Variants in BRAT1 observed in about 807,000 individuals in gnomAD.
The protein encoded by BRAT1 is integrator complex assembly factor BRAT1.
BRAT1 carries 74 observed loss-of-function variants against 70.6 expected under a neutral mutation model. The ratio of observed to expected loss-of-function variants is 1.05; its 90% CI spans 0.87 to 1.27. BRAT1 has a LOEUF of 1.27. Ranked by LOEUF, BRAT1 falls within the 50% of genes most tolerant of loss-of-function variation. BRAT1 has a pLI of 0.00. For missense variants in BRAT1, 1,203 were observed against 1,098.2 expected (o/e 1.10, Z -1.35); for synonymous variants, 615 against 517.1 (o/e 1.19, Z -2.57).
chr7:2,555,439 C>G (rs1346866280), intron 1 of BRAT1, 48 bp downstream of exon 1: 1 of 152,236 alleles, frequency 6.6e-6, no homozygotes, highest in Non-Finnish European at 1.5e-5. Flanking sequence ...TTGGCCTCCC[C>G]GCGCCCCACT....
At position 2,538,540 on chromosome 7, in the gene BRAT1, A is replaced by G; in HGVS notation, c.1995T>C (p.Thr665=). ...LELALVFLGQ[T]LGPPRTHCPY... is the part of the protein sequence containing the mutation. ...GGCAGTGGGTACGCGGCGGCCCCAA[A>G]GTCTGGCCCAGGAACACGAGGGCCA... Residue 665 remains threonine, a synonymous_variant, in exon 14 of 14, where the codon ACT becomes ACC. Transcript: ENST00000340611. The G allele has an allele frequency of 6.2e-7, 1 of 1,603,522 alleles. No homozygotes were observed. Among genetic ancestry groups the G allele is most frequent in the East Asian group, 2.2e-5 (1 of 44,798 alleles).
intron 3 of BRAT1, among the ~76,000 whole-genome samples, chr7:2,546,320 G>A (rs1779605146): frequency 6.6e-6 from 1 of 152,030 alleles, no homozygotes; most frequent in Admixed American, 6.6e-5. Context: ...TGCACCTGTG[G>A]ACCCAGCTAC....
At chr7:2,539,040 C>T (rs1027904180) in intron 13 of BRAT1, 139 bp downstream of exon 13, 16 of 1,445,634 alleles carry the variant, frequency 1.1e-5, no homozygotes, top group African/African-American at 1.4e-5. Flanking sequence ...CCCAGGGCCT[C>T]GGCAGTCACT....
At chr7:2,546,179 C>T (rs1315630575) in intron 3 of BRAT1, among the ~76,000 whole-genome samples, 2 of 152,220 alleles carry the variant, frequency 1.3e-5, no homozygotes, top group African/African-American at 2.4e-5. Context: ...CAGTGGCTCA[C>T]GACTGTATCC....
In BRAT1 at chr7:2,538,183, C is replaced by T; in HGVS notation, c.2352G>A (p.Leu784=). 6.2e-7 allele frequency: 1 copy of T among 1,609,416 alleles called. No homozygotes were observed. The highest frequency in any genetic ancestry group is 8.5e-7 in the Non-Finnish European group (1 of 1,177,702). ...AMLRSLDLEG[L]RSTLAESSDH... ...CGCTGCTCTCGGCCAGCGTGCTCCG[C>T]AGGCCCTCCAGGTCTAGGGACCTGA... The change falls in exon 14 of 14, where the codon CTG becomes CTA. Residue 784 remains leucine, a synonymous_variant. Coordinates refer to ENST00000340611, the MANE Select transcript of BRAT1 (RefSeq NM_152743.4).
rs1233936868 is a variant in BRAT1, at chr7:2,548,823, G to C, written c.128-1345C>G. 2.0e-5 allele frequency among the ~76,000 whole-genome samples: 3 copies of C among 152,172 alleles called. No individual in the cohort carries two copies. The East Asian group carries it at 5.8e-4, about 29-fold the overall frequency. On this transcript the variant is annotated intron_variant, in intron 2 of 13. Coordinates refer to ENST00000340611, the MANE Select transcript of BRAT1 (RefSeq NM_152743.4). ...CTACTAAAATATAAAAAATTAGCCAGGCATGGTGGCGGGCGCCTGTGGTCC... is the reference window on the plus strand; with the variant it reads ...CTACTAAAATATAAAAAATTAGCCACGCATGGTGGCGGGCGCCTGTGGTCC...
intron 9 of BRAT1, 114 bp from the exon 10 acceptor site, chr7:2,541,166 G>GGCCCGGC: frequency 1.4e-6 from 2 of 1,405,642 alleles, no homozygotes; most frequent in Non-Finnish European, 1.9e-6. Flanking sequence ...CTCCTGCACG[G>GGCCCGGC]CCCCTGCACC....
chr7:2,552,081 A>AATACATAT (rs1198193898), intron 2 of BRAT1, among the ~76,000 whole-genome samples: 1 of 23,382 alleles, frequency 4.3e-5, no homozygotes, highest in African/African-American at 2.1e-4. Flanking sequence ...CATAGTCTTA[A>AATACATAT]ATATATATAT....
intron 11 of BRAT1, 67 bp downstream of exon 11, chr7:2,539,719 A>C (rs1583295519): frequency 1.3e-6 from 2 of 1,553,256 alleles, no homozygotes; most frequent in Non-Finnish European, 1.7e-6. Context: ...GAGCCATTCC[A>C]CCCAGCCCCT....
At chr7:2,551,173 G>T (rs544946114) in intron 2 of BRAT1, among the ~76,000 whole-genome samples, 1 of 151,532 alleles carries the variant, frequency 6.6e-6, no homozygotes, top group Non-Finnish European at 1.5e-5. Context: ...CCCAGGAGGC[G>T]GAGGTTGCAG....
chr7:2,553,047 A>G (rs1033283517), intron 2 of BRAT1, among the ~76,000 whole-genome samples: 2 of 150,786 alleles, frequency 1.3e-5, no homozygotes, highest in Non-Finnish European at 3.0e-5. Context: ...CTCGACTGAC[A>G]CTATTTTTTT....
rs148689602 is a variant in BRAT1 at position 2,554,715 on chromosome 7, A to C, written c.-16-268T>G. ...AAACCACAAGGCCTCCGGAACTCAA[A>C]GTCTGTCACCCTTGGTCTTTGGTGC... On this transcript the variant is annotated intron_variant, in intron 1 of 13. Transcript: ENST00000340611. 6.4e-3 allele frequency among the ~76,000 whole-genome samples: 980 copies of C among 152,316 alleles called. 12 individuals are homozygous for C. Among genetic ancestry groups the C allele is most frequent in the African/African-American group, 0.022 (935 of 41,576 alleles).
At chr7:2,542,399 A>G (rs1779245787) in intron 6 of BRAT1, 188 bp from the exon 7 acceptor site, 4 of 610,918 alleles carry the variant, frequency 6.5e-6, no homozygotes, top group Non-Finnish European at 1.2e-5. Flanking sequence ...GGCCTGACCA[A>G]GGAGATGGGC....
rs1281766598 is a variant in BRAT1, at chr7:2,542,102, C to G, written c.1015+18G>C. On this transcript the variant is annotated intron_variant, in intron 7 of 13. Coordinates refer to ENST00000340611, the MANE Select transcript of BRAT1 (RefSeq NM_152743.4). ...GGGACCCAGGTTCTGCCCTCCCAGC[C>G]CTTTCTAAGCAGCACACCTGGGGGT... 3 of 1,505,294 alleles carry G rather than the reference C, an allele frequency of 2.0e-6. No individual in the cohort carries two copies. In the South Asian group the frequency reaches 3.9e-5, roughly 20 times the overall value. 93.2% of individuals were successfully genotyped at this position (1,505,294 alleles called of 1,614,324 possible).
intron 2 of BRAT1, among the ~76,000 whole-genome samples, chr7:2,552,096 ATATATATATATTTTTTTTTT>A (rs1780062867): frequency 5.0e-5 from 1 of 19,806 alleles, no homozygotes. Flanking sequence ...ATATATATAT[ATATATATATATTTTTTTTTT>A]TTTTTTTTTT....
rs1408722794 is a variant in BRAT1, at chr7:2,550,492, AAAG to A, written c.128-3017_128-3015del. On this transcript the variant is annotated intron_variant, in intron 2 of 13. Transcript: ENST00000340611. ...CAAAAAAAAAAAAACAAAAAAAAAA[AAAG>A]AAAGAAAAGAAAAAGAAAAAAATAA... is the stretch of plus-strand genomic sequence containing the variant. Among the ~76,000 whole-genome samples, 552 of 129,810 alleles carry A rather than the reference AAAG, an allele frequency of 4.3e-3. 5 individuals are homozygous for A. The highest frequency in any genetic ancestry group is 0.018 in the East Asian group (56 of 3,084). The allele number at this position is 129,810 out of a possible 152,430, so 85.2% of individuals were successfully genotyped here.
Position 2,545,022 on chromosome 7 carries a change from G to T in BRAT1, c.317C>A (p.Pro106Gln). 6.5e-7 allele frequency: 1 copy of T among 1,531,230 alleles called. No homozygotes were observed. Among genetic ancestry groups the T allele is most frequent in the Non-Finnish European group, 8.8e-7 (1 of 1,138,320 alleles). The allele number at this position is 1,531,230 out of a possible 1,614,324, so 94.9% of individuals were successfully genotyped here. A position where few individuals can be genotyped will look rare whatever the true frequency, so the allele number is the denominator to read the frequency against. Residue 106 changes from proline (P) to glutamine (Q), a missense_variant, in exon 4 of 14, where the codon CCA becomes CAA. By Grantham distance (76) the Pro-to-Gln change is moderately conservative. Coordinates refer to ENST00000340611, the MANE Select transcript of BRAT1 (RefSeq NM_152743.4). Reference protein sequence around the residue: ...GELLPGLFGEPGPLGRATWAV... With the variant: ...GELLPGLFGEQGPLGRATWAV... ...CCAGGTTGCTCGGCCGAGGGGTCCT[G>T]GCTCCCCAAAGAGCCCTGGTAGTAA...
Position 2,539,590 on chromosome 7 carries a change from C to T in BRAT1, c.1551G>A (p.Arg517=), listed in dbSNP as rs1308296404. 6.3e-7 allele frequency: 1 copy of T among 1,589,348 alleles called. No individual in the cohort carries two copies. The highest frequency in any genetic ancestry group is 1.3e-5 in the African/African-American group (1 of 74,398). The change falls in exon 12 of 14, where the codon AGG becomes AGA. Residue 517 remains arginine, a synonymous_variant. Transcript: ENST00000340611. ...GGGTCAGGAACTCGAGGGCGGAGTC[C>T]CTCACCTCCCAGCAGGGGTGGCACA... The part of the protein sequence containing the change: ...KRLCHPCWEV[R]DSALEFLTQL...
chr7:2,541,088 C>T (rs771951942), intron 9 of BRAT1, 36 bp from the exon 10 acceptor site: 8 of 1,507,732 alleles, frequency 5.3e-6, no homozygotes, highest in Non-Finnish European at 6.2e-6. Context: ...CACCCCCACC[C>T]CCACCCTAGG....
Sources: gnomAD v4.1 joint callset for allele counts (sites outside exome capture counted in the v4.1 genomes callset) on GRCh38, gnomAD v4.1.1 for gene constraint, MANE v1.5 for transcripts, NCBI Gene and HGNC (gene_info 2026-07-23, HGNC 2026-07-21) for gene names.